The following AUTS2 variants were observed in gnomAD, a reference collection of about 807,000 sequenced individuals.
AUTS2 encodes activator of transcription and developmental regulator AUTS2.
Under a neutral mutation model 112.4 loss-of-function variants are expected in AUTS2, and 17 were observed. The ratio of observed to expected loss-of-function variants is 0.15; its 90% confidence interval spans 0.10 to 0.23. AUTS2 has a LOEUF of 0.23. Among genes scored for constraint, AUTS2 ranks in the 10% least tolerant of loss-of-function variants. AUTS2 has a pLI of 1.00. For synonymous variants in AUTS2, 751 were observed against 702.7 expected (o/e 1.07, Z -1.09); for missense variants, 1,510 against 1,701.6 (o/e 0.89, Z 1.98).
chr7:70,611,107 T>G (rs765438485), intron 5 of AUTS2, among the ~76,000 whole-genome samples: 1 of 152,272 alleles, frequency 6.6e-6, no homozygotes, highest in Non-Finnish European at 1.5e-5. Context: ...GGTCTTGTAT[T>G]ACATGTAAGT....
At position 70,162,953 on chromosome 7, in the gene AUTS2, C is replaced by T. The variant is rs146153745; in HGVS notation, c.660+28382C>T. Among the ~76,000 whole-genome samples the T allele has an allele frequency of 2.9e-3, 448 of 152,138 alleles. 5 individuals carry two copies. The highest frequency in any genetic ancestry group is 0.01 in the African/African-American group (431 of 41,520). On this transcript the variant is annotated intron_variant, in intron 4 of 18. Transcript: ENST00000342771. ...TGATACTGAATTGAACGACTTATAA[C>T]GGCTGTGTTTATTTGGTTTGTAATT...
chr7:70,513,666 CT>C (rs35815016), intron 5 of AUTS2, among the ~76,000 whole-genome samples: 1,628 of 140,326 alleles, frequency 0.012, 59 homozygotes, highest in African/African-American at 0.033. Flanking sequence ...TTTCTGTTTC[CT>C]TTTTTTTTTT....
At chr7:69,743,197 AT>A (rs2129250641) in intron 1 of AUTS2, among the ~76,000 whole-genome samples, 1 of 152,264 alleles carries the variant, frequency 6.6e-6, no homozygotes, top group Non-Finnish European at 1.5e-5. Context: ...CTCATCTGTA[AT>A]ATGGGAATAA....
chr7:69,819,993 T>G (rs1298223345), intron 1 of AUTS2, among the ~76,000 whole-genome samples: 1 of 152,234 alleles, frequency 6.6e-6, no homozygotes, highest in Non-Finnish European at 1.5e-5. Flanking sequence ...CAAAGGAGAC[T>G]GTTCTACCTA....
At chr7:70,010,228 C>T (rs1043049363) in intron 2 of AUTS2, among the ~76,000 whole-genome samples, 2 of 152,048 alleles carry the variant, frequency 1.3e-5, no homozygotes, top group African/African-American at 4.8e-5. Context: ...TCACTGCAGC[C>T]CTGACCTCCT....
rs542372767 is a variant in AUTS2 at position 70,368,985 on chromosome 7, G to A, written c.661-66767G>A. On this transcript the variant is annotated intron_variant, in intron 4 of 18. Transcript: ENST00000342771. ...TGTTCTGGTTAAATATTTATCATTA[G>A]GGCTCCATGCAGAATGAAATGGTAA... Among the ~76,000 whole-genome samples the A allele has an allele frequency of 5.9e-5, 9 of 152,250 alleles. No homozygotes were observed. The South Asian group carries it at 1.9e-3, about 32-fold the overall frequency.
At chr7:69,798,645 G>A (rs1336992052) in intron 1 of AUTS2, among the ~76,000 whole-genome samples, 1 of 152,092 alleles carries the variant, frequency 6.6e-6, no homozygotes, top group Non-Finnish European at 1.5e-5. Flanking sequence ...CACCATTAGT[G>A]GGGATATAAA....
chr7:70,742,805 T>C (rs1228189094), intron 6 of AUTS2, among the ~76,000 whole-genome samples: 1 of 152,056 alleles, frequency 6.6e-6, no homozygotes, highest in Non-Finnish European at 1.5e-5. Flanking sequence ...TGTGTGTGAT[T>C]TGATGATGGC....
chr7:70,739,746 A>G (rs1204034268), intron 6 of AUTS2, among the ~76,000 whole-genome samples: 1 of 150,890 alleles, frequency 6.6e-6, no homozygotes, highest in Non-Finnish European at 1.5e-5. Context: ...GCTGTGCTTG[A>G]ACATCCCTGA....
At chr7:70,764,382 A>G (rs191814919) in intron 7 of AUTS2, among the ~76,000 whole-genome samples, 112 of 152,140 alleles carry the variant, frequency 7.4e-4, no homozygotes, top group African/African-American at 2.2e-3. Context: ...CCTTTTTGTT[A>G]ACCGTTGCTT....
At chr7:70,203,150 C>A in intron 4 of AUTS2, among the ~76,000 whole-genome samples, 1 of 128,900 alleles carries the variant, frequency 7.8e-6, no homozygotes, top group African/African-American at 3.0e-5. Flanking sequence ...ACAATGAGAT[C>A]ACATGGACAC....
intron 4 of AUTS2, among the ~76,000 whole-genome samples, chr7:70,411,171 CAATT>C (rs1794761490): frequency 2.6e-5 from 4 of 151,824 alleles, no homozygotes; most frequent in African/African-American, 4.8e-5. Context: ...AGCCAGAAAT[CAATT>C]ATTTTTAATT....
Position 69,965,452 on chromosome 7 carries a change from A to AG in AUTS2, c.522+65955dup, listed in dbSNP as rs1797600513. On this transcript the variant is annotated intron_variant, in intron 2 of 18. Coordinates refer to ENST00000342771, the MANE Select transcript of AUTS2 (RefSeq NM_015570.4). Reference sequence around the variant, plus strand: ...ACCTCTAATTCAGAGGGAGATGCACAGAAGTAAACAGGCAGCAATAACATT... The same window carrying AG: ...ACCTCTAATTCAGAGGGAGATGCACAGGAAGTAAACAGGCAGCAATAACATT... Among the ~76,000 whole-genome samples, 3 of 152,316 alleles carry AG rather than the reference A, an allele frequency of 2.0e-5. No homozygotes were observed. In the South Asian group the frequency reaches 6.2e-4, roughly 32 times the overall value.
intron 1 of AUTS2, among the ~76,000 whole-genome samples, chr7:69,646,206 T>C (rs573554171): frequency 3.9e-4 from 59 of 152,186 alleles, no homozygotes; most frequent in Non-Finnish European, 7.2e-4. Flanking sequence ...TACCCAATTA[T>C]AACACAAATT....
intron 1 of AUTS2, among the ~76,000 whole-genome samples, chr7:69,820,107 A>T (rs1358476462): frequency 6.6e-6 from 1 of 152,162 alleles, no homozygotes; most frequent in East Asian, 1.9e-4. Flanking sequence ...ACTGCCTGGG[A>T]GTCATATACA....
At chr7:69,751,421 G>A (rs1161674306) in intron 1 of AUTS2, among the ~76,000 whole-genome samples, 1 of 152,116 alleles carries the variant, frequency 6.6e-6, no homozygotes, top group Non-Finnish European at 1.5e-5. Flanking sequence ...AGGGAGAAGA[G>A]GAGAGAAGCA....
intron 4 of AUTS2, among the ~76,000 whole-genome samples, chr7:70,331,953 G>T (rs188007234): frequency 4.1e-4 from 62 of 152,244 alleles, no homozygotes; most frequent in African/African-American, 1.1e-3. Context: ...AGTATTGGAA[G>T]TTCTGGCTAG....
chr7:69,754,488 A>G (rs949242219), intron 1 of AUTS2, among the ~76,000 whole-genome samples: 3 of 152,130 alleles, frequency 2.0e-5, no homozygotes, highest in Non-Finnish European at 2.9e-5. Flanking sequence ...GGAGGATGGT[A>G]TGAGAGATGC....
At chr7:70,065,690 T>G (rs984332583) in intron 2 of AUTS2, among the ~76,000 whole-genome samples, 1 of 151,846 alleles carries the variant, frequency 6.6e-6, no homozygotes, top group Non-Finnish European at 1.5e-5. Context: ...AGAGTGAAAC[T>G]CCATCTCAAA....
Sources: gnomAD v4.1 joint callset for allele counts (sites outside exome capture counted in the v4.1 genomes callset) on GRCh38, gnomAD v4.1.1 for gene constraint, MANE v1.5 for transcripts, NCBI Gene and HGNC (gene_info 2026-07-23, HGNC 2026-07-21) for gene names.